Variants in MAP3K6 observed in about 807,000 individuals in gnomAD.
The protein encoded by MAP3K6 is mitogen-activated protein kinase kinase kinase 6, also known as apoptosis signal-regulating kinase 2.
MAP3K6 carries 105 observed loss-of-function variants against 147.1 expected under a neutral mutation model. The ratio of observed to expected loss-of-function variants is 0.71; its 90% confidence interval spans 0.61 to 0.84. The LOEUF is 0.84. Ranked by LOEUF, MAP3K6 falls within the 40% of genes least tolerant of loss-of-function variation. MAP3K6 has a pLI of 0.00. For synonymous variants in MAP3K6, 695 were observed against 732.4 expected, an observed-to-expected ratio of 0.95 and a Z score of 0.82; for missense variants, 1,569 against 1,715.0, an observed-to-expected ratio of 0.91 and a Z score of 1.50.
In MAP3K6 at chr1:27,358,050, G is replaced by A. The variant is rs1369595112; in HGVS notation, c.2915+131C>T. 6.7e-7 allele frequency: 1 copy of A among 1,498,224 alleles called. No individual in the cohort carries two copies. Among genetic ancestry groups the A allele is most frequent in the African/African-American group, 1.4e-5 (1 of 71,084 alleles). 92.8% of individuals were successfully genotyped at this position (1,498,224 alleles called of 1,614,324 possible). On this transcript the variant is annotated intron_variant, in intron 21 of 28. Transcript: ENST00000357582. This position sits in a 1 kb window ranked among gnomAD's most constrained non-coding sequence, Gnocchi z 6.2. ...TCCAAGTTAGAGTTGCCAGAACAGG[G>A]CATGGGGAGGCACCAAATGCCACAT...
rs988230044 is a variant in MAP3K6, at chr1:27,366,382, CAGGGGCAGCGG to C, written c.205_215del (p.Pro69AlafsTer65). The C allele has an allele frequency of 1.6e-6, 2 of 1,258,364 alleles. No homozygotes were observed. The highest frequency in any genetic ancestry group is 8.5e-5 in the Admixed American group (2 of 23,502). The allele number at this position is 1,258,364 out of a possible 1,614,324, so 77.9% of individuals were successfully genotyped here. A position where few individuals can be genotyped will look rare whatever the true frequency, so the allele number is the denominator to read the frequency against. On this transcript the variant is annotated frameshift_variant, in exon 1 of 29. Coordinates refer to ENST00000357582, the MANE Select transcript of MAP3K6 (RefSeq NM_004672.5). LOFTEE classifies it high-confidence loss of function. This position sits in a 1 kb window ranked among gnomAD's most constrained non-coding sequence, Gnocchi z 5.5. ...GCGCGCAAGCCTCGCGCAGGCAGCGCAGGGGCAGCGGCTCCGCCTCGGTTCCCTCCCGAGGC... is the reference window on the plus strand; with the variant it reads ...GCGCGCAAGCCTCGCGCAGGCAGCGCCTCCGCCTCGGTTCCCTCCCGAGGC...
chr1:27,358,880 A>G lies in MAP3K6; in HGVS notation c.2426-14T>C. ...ACTGCAGAGTTCCTAGGACAGAAAC[A>G]GGAGCACCAATGCCCATCTAGGCTT... On this transcript the variant is annotated splice_polypyrimidine_tract_variant and intron_variant, in intron 18 of 28. Transcript: ENST00000357582. This position sits in a 1 kb window ranked among gnomAD's most constrained non-coding sequence, Gnocchi z 6.2. 2 of 1,548,144 alleles carry G rather than the reference A, an allele frequency of 1.3e-6. No homozygotes were observed. Among genetic ancestry groups the G allele is most frequent in the African/African-American group, 1.4e-5 (1 of 72,940 alleles).
In MAP3K6 at chr1:27,356,374, C is replaced by A; in HGVS notation, c.3637+14G>T. 1.3e-6 allele frequency: 2 copies of A among 1,591,870 alleles called. No homozygotes were observed. The highest frequency in any genetic ancestry group is 1.1e-5 in the South Asian group (1 of 87,664). The stretch of plus-strand genomic sequence containing the variant: ...GAACCCACCAATAATGTTCTCCAGC[C>A]AAGGCCCACTCACTTGGAGGCTCTG... On this transcript the variant is annotated intron_variant, in intron 26 of 28. Coordinates refer to ENST00000357582, the MANE Select transcript of MAP3K6 (RefSeq NM_004672.5).
intron 13 of MAP3K6, 44 bp from the exon 14 acceptor site, chr1:27,361,052 C>T (rs1454390563): frequency 2.0e-6 from 3 of 1,537,246 alleles, no homozygotes; most frequent in South Asian, 2.5e-5. Context: ...GCATCTTGGT[C>T]CCCACCTAAG....
chr1:27,364,087 T>A lies in MAP3K6; in HGVS notation c.696-2A>T, dbSNP rs533660971. On this transcript the variant is annotated splice_acceptor_variant, in intron 4 of 28. Transcript: ENST00000357582. LOFTEE classifies it high-confidence loss of function. This position sits in a 1 kb window ranked among gnomAD's most constrained non-coding sequence, Gnocchi z 4.4. ...CGAATGGTCTCCCGGAAATAGCCAC[T>A]GATGCCCAGGGTAGGGGAGGCAGGG... is the stretch of plus-strand genomic sequence containing the variant. 1.2e-6 allele frequency: 2 copies of A among 1,611,488 alleles called. No individual in the cohort carries two copies. The highest frequency in any genetic ancestry group is 2.2e-5 in the South Asian group (2 of 90,900).
At position 27,361,240 on chromosome 1, in the gene MAP3K6, G is replaced by A. The variant is rs748100986; in HGVS notation, c.1749C>T (p.Arg583=). The A allele has an allele frequency of 1.2e-6, 2 of 1,613,356 alleles. No homozygotes were observed. Among genetic ancestry groups the A allele is most frequent in the Non-Finnish European group, 1.7e-6 (2 of 1,179,832 alleles). The part of the protein sequence containing the change: ...ASICGVSASK[R]DERCCFLYAL... ...CATAGAGGAAGCAGCAGCGCTCGTC[G>A]CGCTTTGAGGCGCTGGGAAGGGATG... The change falls in exon 13 of 29, where the codon CGC becomes CGT. Residue 583 remains arginine, a synonymous_variant. Coordinates refer to ENST00000357582, the MANE Select transcript of MAP3K6 (RefSeq NM_004672.5).
chr1:27,356,644 T>C lies in MAP3K6; in HGVS notation c.3470A>G (p.Gln1157Arg), dbSNP rs751536936. The C allele has an allele frequency of 3.7e-6, 6 of 1,612,204 alleles. No individual in the cohort carries two copies. In the East Asian group the frequency reaches 8.9e-5, roughly 24 times the overall value. The change falls in exon 25 of 29, where the codon CAG becomes CGG. Residue 1157 changes from glutamine to arginine, a missense_variant. Gln to Arg is a conservative substitution (Grantham distance 43). Transcript: ENST00000357582. ...CTGCACCATCAGAGGAGCGGGGCCC[T>C]GCTCGGGCTCCACCGGAAGCGGGCT... is the stretch of plus-strand genomic sequence containing the variant. The part of the protein sequence containing the change: ...QQSPLPVEPE[Q>R]GPAPLMVQLS...
chr1:27,356,788 G>GC (rs1402930522), intron 24 of MAP3K6, 39 bp from the exon 25 acceptor site: 7 of 1,525,940 alleles, frequency 4.6e-6, no homozygotes, highest in Non-Finnish European at 5.3e-6. Context: ...AGGCTACAAC[G>GC]CCCGTTTGGG....
In MAP3K6 at chr1:27,359,724, G is replaced by T; in HGVS notation, c.2319+134C>A. ...TGAACCTTTCCCCTCCTTCTCTAAGGAGCCTCCCTGATGAATTCCCTACCC... is the reference window on the plus strand; with the variant it reads ...TGAACCTTTCCCCTCCTTCTCTAAGTAGCCTCCCTGATGAATTCCCTACCC... On this transcript the variant is annotated intron_variant, in intron 17 of 28. Coordinates refer to ENST00000357582, the MANE Select transcript of MAP3K6 (RefSeq NM_004672.5). This position sits in a 1 kb window ranked among gnomAD's most constrained non-coding sequence, Gnocchi z 4.4. 7.0e-7 allele frequency: 1 copy of T among 1,425,982 alleles called. No individual in the cohort carries two copies. The highest frequency in any genetic ancestry group is 9.5e-7 in the Non-Finnish European group (1 of 1,047,584). The allele number at this position is 1,425,982 out of a possible 1,614,324, so 88.3% of individuals were successfully genotyped here.
At chr1:27,363,633 A>G in intron 5 of MAP3K6, 85 bp from the exon 6 acceptor site, 1 of 1,076,444 alleles carries the variant, frequency 9.3e-7, no homozygotes, top group Middle Eastern at 3.1e-4. Context: ...CACTCCTGAC[A>G]TCCCACCCAG....
In MAP3K6 at chr1:27,356,715, C is replaced by A; in HGVS notation, c.3399G>T (p.Glu1133Asp). The change falls in exon 25 of 29, where the codon GAG (glutamate) becomes GAT (aspartate). Residue 1133 changes from glutamate (E) to aspartate (D), a missense_variant. Glu to Asp is a conservative substitution (Grantham distance 45, BLOSUM62 2). Transcript: ENST00000357582. ...GGGAGTCCCCTTCATTACTCAGCTC[C>A]TCTGACCTCGGTGAGACCGCCTCCT... Reference protein sequence around the residue: ...VEKEAVSPRSEELSNEGDSQQ... With the variant: ...VEKEAVSPRSDELSNEGDSQQ... 1 of 1,593,216 alleles carries A rather than the reference C, an allele frequency of 6.3e-7. No homozygotes were observed. The highest frequency in any genetic ancestry group is 8.6e-7 in the Non-Finnish European group (1 of 1,169,074).
rs1378777477 is a variant in MAP3K6, at chr1:27,366,332, G to T, written c.266C>A (p.Pro89Gln). 1.5e-6 allele frequency: 2 copies of T among 1,296,098 alleles called. No homozygotes were observed. The highest frequency in any genetic ancestry group is 2.0e-6 in the Non-Finnish European group (2 of 1,023,676). The allele number at this position is 1,296,098 out of a possible 1,614,324, so 80.3% of individuals were successfully genotyped here. A position where few individuals can be genotyped will look rare whatever the true frequency, so the allele number is the denominator to read the frequency against. The change falls in exon 1 of 29, where the codon CCG becomes CAG. Residue 89 changes from proline to glutamine, a missense_variant. Pro to Gln is a moderately conservative substitution (Grantham distance 76). Coordinates refer to ENST00000357582, the MANE Select transcript of MAP3K6 (RefSeq NM_004672.5). This position sits in a 1 kb window ranked among gnomAD's most constrained non-coding sequence, Gnocchi z 5.5. ...CCCGAAGGGCAGGCTGCGCAGCTGC[G>T]GGGGCGGCCGCGGCCGGGGGACCTG... ...CAQVPRPRPP[P>Q]QLRSLPFGTL...
Position 27,358,016 on chromosome 1 carries a change from CACA to C in MAP3K6, c.2916-143_2916-141del, listed in dbSNP as rs1003727032. ...ATAGATAAACCCCGCACTGAGAGGACACAACAAGTCCAAGTTAGAGTTGCCAGA... is the reference window on the plus strand; with the variant it reads ...ATAGATAAACCCCGCACTGAGAGGACACAAGTCCAAGTTAGAGTTGCCAGA... On this transcript the variant is annotated intron_variant, in intron 21 of 28. Transcript: ENST00000357582. The surrounding 1 kb of genome is among the most constrained non-coding windows in gnomAD (Gnocchi z 6.2). 5 of 1,476,080 alleles carry C rather than the reference CACA, an allele frequency of 3.4e-6. No homozygotes were observed. Among genetic ancestry groups the C allele is most frequent in the East Asian group, 2.4e-5 (1 of 41,710 alleles). 91.4% of individuals were successfully genotyped at this position (1,476,080 alleles called of 1,614,324 possible). A position where few individuals can be genotyped will look rare whatever the true frequency, so the allele number is the denominator to read the frequency against.
rs1243031088 is a variant in MAP3K6, at chr1:27,366,564, G to A, written c.34C>T (p.Arg12Cys). The A allele has an allele frequency of 3.7e-6, 4 of 1,086,338 alleles. No individual in the cohort carries two copies. The highest frequency in any genetic ancestry group is 3.4e-5 in the African/African-American group (2 of 59,652). The allele number at this position is 1,086,338 out of a possible 1,614,324, so 67.3% of individuals were successfully genotyped here. ...AGPCPRSGAE[R>C]AGSCWQDPLA... The stretch of plus-strand genomic sequence containing the variant: ...GGGTCCTGCCAGCAGCTGCCGGCGC[G>A]CTCCGCCCCGGACCGGGGACACGGC... Residue 12 changes from arginine to cysteine, a missense_variant, in exon 1 of 29, where the codon CGC (arginine) becomes TGC (cysteine). Physicochemically the swap from Arg to Cys is radical, Grantham distance 180. Coordinates refer to ENST00000357582, the MANE Select transcript of MAP3K6 (RefSeq NM_004672.5). The surrounding 1 kb of genome is among the most constrained non-coding windows in gnomAD (Gnocchi z 5.5).
rs2015970416 is a variant in MAP3K6, at chr1:27,366,120, C to G, written c.340+138G>C. 12 of 955,722 alleles carry G rather than the reference C, an allele frequency of 1.3e-5. No homozygotes were observed. Among genetic ancestry groups the G allele is most frequent in the Non-Finnish European group, 1.6e-5 (12 of 737,590 alleles). 59.2% of individuals were successfully genotyped at this position (955,722 alleles called of 1,614,324 possible). On this transcript the variant is annotated intron_variant, in intron 1 of 28. Transcript: ENST00000357582. The surrounding 1 kb of genome is among the most constrained non-coding windows in gnomAD (Gnocchi z 5.5). Reference sequence around the variant, plus strand: ...CTTTTTTCACGGCCCTGTCCCAAGCCCTTCAGCTTTAGCTCACTTTAAGTC... The same window carrying G: ...CTTTTTTCACGGCCCTGTCCCAAGCGCTTCAGCTTTAGCTCACTTTAAGTC...
chr1:27,364,082 G>A lies in MAP3K6; in HGVS notation c.699C>T (p.Gly233=). The change falls in exon 5 of 29, where the codon GGC becomes GGT. Residue 233 remains glycine (G), a synonymous_variant. Transcript: ENST00000357582. The surrounding 1 kb of genome is among the most constrained non-coding windows in gnomAD (Gnocchi z 4.4). Reference sequence around the variant, plus strand: ...CCCGCCGAATGGTCTCCCGGAAATAGCCACTGATGCCCAGGGTAGGGGAGG... The same window carrying A: ...CCCGCCGAATGGTCTCCCGGAAATAACCACTGATGCCCAGGGTAGGGGAGG... ...LLEATPTDSC[G]YFRETIRRDI... 6.2e-7 allele frequency: 1 copy of A among 1,611,652 alleles called. No individual in the cohort carries two copies. The highest frequency in any genetic ancestry group is 8.5e-7 in the Non-Finnish European group (1 of 1,179,226).
Position 27,356,590 on chromosome 1 carries a change from C to CTT in MAP3K6, c.3523_3524insAA (p.Arg1175GlnfsTer25). On this transcript the variant is annotated frameshift_variant and splice_region_variant, in exon 25 of 29. Transcript: ENST00000357582. LOFTEE classifies it high-confidence loss of function. ...TATGAGCGATTCCAAGGGGCTTTAC[C>CTT]GATCAGTCTCTGCCCTCAAGAGGCT... 6.2e-7 allele frequency: 1 copy of CTT among 1,612,356 alleles called. No individual in the cohort carries two copies. The highest frequency in any genetic ancestry group is 8.5e-7 in the Non-Finnish European group (1 of 1,179,014).
At chr1:27,362,347 T>C in intron 8 of MAP3K6, 97 bp from the exon 9 acceptor site, 1 of 1,275,404 alleles carries the variant, frequency 7.8e-7, no homozygotes, top group South Asian at 1.5e-5. Flanking sequence ...AACATAGATA[T>C]GAGTATGGCA....
At position 27,357,595 on chromosome 1, in the gene MAP3K6, G is replaced by A; in HGVS notation, c.3082-19C>T. On this transcript the variant is annotated intron_variant, in intron 22 of 28. Coordinates refer to ENST00000357582, the MANE Select transcript of MAP3K6 (RefSeq NM_004672.5). Reference sequence around the variant, plus strand: ...GGGCCCCCTGAGAAGGAAGAGAGGGGTTGTCAGCGAGTGCTCCAGCCAAAA... The same window carrying A: ...GGGCCCCCTGAGAAGGAAGAGAGGGATTGTCAGCGAGTGCTCCAGCCAAAA... The A allele has an allele frequency of 6.3e-7, 1 of 1,599,306 alleles. No individual in the cohort carries two copies. Among genetic ancestry groups the A allele is most frequent in the Non-Finnish European group, 8.5e-7 (1 of 1,171,806 alleles).
Sources: gnomAD v4.1 joint callset for allele counts on GRCh38, gnomAD v4.1.1 for gene constraint, Gnocchi (gnomAD v3.1) non-coding constraint, MANE v1.5 for transcripts, NCBI Gene and HGNC (gene_info 2026-07-23, HGNC 2026-07-21) for gene names.